Variants in NXPH1 observed in about 807,000 individuals in gnomAD.
The protein encoded by NXPH1 is neurexophilin 1.
Under a neutral mutation model 23.7 loss-of-function variants are expected in NXPH1, and 5 were observed. The ratio of observed to expected loss-of-function variants is 0.21; its 90% CI spans 0.11 to 0.44. The LOEUF (loss-of-function observed/expected upper bound fraction) is 0.44, where lower values mean the gene tolerates loss of function less well. Ranked by LOEUF, NXPH1 falls within the 20% of genes least tolerant of loss-of-function variation. The pLI, the probability that NXPH1 is intolerant of heterozygous loss-of-function variation, is 0.99. For missense variants in NXPH1, 324 were observed against 321.6 expected (o/e 1.01, Z -0.06); for synonymous variants, 144 against 122.2 (o/e 1.18, Z -1.18).
intron 2 of NXPH1, among the ~76,000 whole-genome samples, chr7:8,721,009 C>G (rs1779961204): frequency 6.6e-6 from 1 of 152,262 alleles, no homozygotes; most frequent in East Asian, 1.9e-4. Context: ...GATATAGATT[C>G]TGGACTAGAA....
intron 2 of NXPH1, among the ~76,000 whole-genome samples, chr7:8,587,727 C>T (rs1186300798): frequency 2.6e-5 from 4 of 152,036 alleles, no homozygotes; most frequent in Non-Finnish European, 4.4e-5. Flanking sequence ...TGAGTGAGAA[C>T]GTGCGGTGTT....
chr7:8,680,984 C>T (rs1048064314), intron 2 of NXPH1, among the ~76,000 whole-genome samples: 1 of 152,234 alleles, frequency 6.6e-6, no homozygotes, highest in Non-Finnish European at 1.5e-5. Context: ...AGATGTTTTA[C>T]AGATGAACAA....
intron 2 of NXPH1, among the ~76,000 whole-genome samples, chr7:8,660,587 A>T (rs1020357290): frequency 6.6e-6 from 1 of 152,220 alleles, no homozygotes; most frequent in South Asian, 2.1e-4. Context: ...GCATCTGAGG[A>T]CAGGAAATGT....
intron 2 of NXPH1, among the ~76,000 whole-genome samples, chr7:8,532,357 GC>G (rs975540342): frequency 8.6e-5 from 13 of 151,266 alleles, no homozygotes; most frequent in African/African-American, 3.2e-4. Flanking sequence ...ACACCTTCAG[GC>G]AGGAAAGAAG....
Position 8,601,701 on chromosome 7 carries a change from A to G in NXPH1, c.55-149307A>G, listed in dbSNP as rs117801021. On this transcript the variant is annotated intron_variant, in intron 2 of 2. Coordinates refer to ENST00000405863, the MANE Select transcript of NXPH1 (RefSeq NM_152745.3). The stretch of plus-strand genomic sequence containing the variant: ...AGGACCCAATTCCCTAAAATACAGG[A>G]AGTCACTGTGACCTTGTGCTTATTT... 3.3e-4 allele frequency among the ~76,000 whole-genome samples: 51 copies of G among 152,300 alleles called. No individual in the cohort carries two copies. In the East Asian group the frequency reaches 6.8e-3, roughly 20 times the overall value.
chr7:8,473,488 G>A (rs1195808355), intron 2 of NXPH1, among the ~76,000 whole-genome samples: 1 of 152,056 alleles, frequency 6.6e-6, no homozygotes, highest in Non-Finnish European at 1.5e-5. Context: ...GCGGGTGTGA[G>A]GCTTCAGATT....
intron 2 of NXPH1, among the ~76,000 whole-genome samples, chr7:8,550,567 A>C (rs1464584225): frequency 6.6e-6 from 1 of 151,556 alleles, no homozygotes; most frequent in African/African-American, 2.4e-5. Context: ...AAATAGTATT[A>C]CTTTATATCA....
intron 2 of NXPH1, among the ~76,000 whole-genome samples, chr7:8,599,807 AT>A (rs57462739): frequency 1.3e-3 from 183 of 145,028 alleles, no homozygotes; most frequent in Middle Eastern, 3.6e-3. Context: ...AGATAGGAAG[AT>A]TTTTTTTTTT....
chr7:8,449,077 C>T (rs1235628974), intron 2 of NXPH1, among the ~76,000 whole-genome samples: 1 of 152,218 alleles, frequency 6.6e-6, no homozygotes, highest in Non-Finnish European at 1.5e-5. Context: ...ACAGTATAAT[C>T]AAAACTTATA....
chr7:8,730,784 C>T lies in NXPH1; in HGVS notation c.55-20224C>T, dbSNP rs1441558291. ...TGGCTGCCCTTAACATTTTTTCCTG[C>T]ATTTCAACTTTGGTGAATCTGACAA... On this transcript the variant is annotated intron_variant, in intron 2 of 2. Transcript: ENST00000405863. Among the ~76,000 whole-genome samples, 10 of 150,684 alleles carry T rather than the reference C, an allele frequency of 6.6e-5. No individual in the cohort carries two copies. In the East Asian group the frequency reaches 2.0e-3, roughly 29 times the overall value.
At chr7:8,537,900 G>C (rs2128618103) in intron 2 of NXPH1, among the ~76,000 whole-genome samples, 1 of 151,960 alleles carries the variant, frequency 6.6e-6, no homozygotes, top group Non-Finnish European at 1.5e-5. Flanking sequence ...TTTTTAGAAA[G>C]AGACAATTTA....
Position 8,715,351 on chromosome 7 carries a change from C to T in NXPH1, c.55-35657C>T, listed in dbSNP as rs78197728. 7.9e-3 allele frequency among the ~76,000 whole-genome samples: 1,198 copies of T among 152,282 alleles called. 13 individuals carry two copies. The highest frequency in any genetic ancestry group is 9.3e-3 in the Non-Finnish European group (631 of 68,030). ...AAAATTTGAGATTGTCTTTCTTATTCTCTTCAGTGCCTCTTTCAGTGATAT... is the reference window on the plus strand; with the variant it reads ...AAAATTTGAGATTGTCTTTCTTATTTTCTTCAGTGCCTCTTTCAGTGATAT... On this transcript the variant is annotated intron_variant, in intron 2 of 2. Transcript: ENST00000405863.
chr7:8,435,558 A>G lies in NXPH1; in HGVS notation c.-110-46A>G. The G allele has an allele frequency of 1.5e-6, 1 of 687,298 alleles. No individual in the cohort carries two copies. Among genetic ancestry groups the G allele is most frequent in the Non-Finnish European group, 2.6e-6 (1 of 378,220 alleles). 42.6% of individuals were successfully genotyped at this position (687,298 alleles called of 1,614,324 possible). A position where few individuals can be genotyped will look rare whatever the true frequency, so the allele number is the denominator to read the frequency against. On this transcript the variant is annotated intron_variant, in intron 1 of 2. Coordinates refer to ENST00000405863, the MANE Select transcript of NXPH1 (RefSeq NM_152745.3). The surrounding 1 kb of genome is among the most constrained non-coding windows in gnomAD (Gnocchi z 5.9). ...TTTCCCCGCTTGATTGTCAAGCCTA[A>G]CCTTGCCCGCGTAGTCATGGGATGT...
At chr7:8,726,157 A>G (rs988803246) in intron 2 of NXPH1, among the ~76,000 whole-genome samples, 6 of 152,204 alleles carry the variant, frequency 3.9e-5, no homozygotes, top group Admixed American at 6.5e-5. Context: ...ATAAAGTTGT[A>G]TATAAGAACA....
chr7:8,486,013 T>G (rs973269581), intron 2 of NXPH1, among the ~76,000 whole-genome samples: 1 of 152,202 alleles, frequency 6.6e-6, no homozygotes, highest in Non-Finnish European at 1.5e-5. Context: ...CTTATGAAGA[T>G]AAAATGCCTA....
chr7:8,490,762 T>C (rs1446284843), intron 2 of NXPH1, among the ~76,000 whole-genome samples: 2 of 152,042 alleles, frequency 1.3e-5, no homozygotes, highest in Non-Finnish European at 2.9e-5. Context: ...GGAGACAAAA[T>C]ATTTAAGTGA....
chr7:8,445,885 A>G (rs1397316697), intron 2 of NXPH1, among the ~76,000 whole-genome samples: 1 of 152,224 alleles, frequency 6.6e-6, no homozygotes, highest in Non-Finnish European at 1.5e-5. Flanking sequence ...TACAGAATGA[A>G]AGTAATTTTG....
At chr7:8,610,287 C>T (rs903219754) in intron 2 of NXPH1, among the ~76,000 whole-genome samples, 2 of 152,086 alleles carry the variant, frequency 1.3e-5, no homozygotes, top group Non-Finnish European at 2.9e-5. Flanking sequence ...CTCTCCATAG[C>T]ACAAGAATGT....
intron 2 of NXPH1, among the ~76,000 whole-genome samples, chr7:8,457,362 G>C (rs555801579): frequency 6.6e-6 from 1 of 152,198 alleles, no homozygotes; most frequent in South Asian, 2.1e-4. Flanking sequence ...TCTGTGGCTG[G>C]GTCAGGATTG....
Sources: allele counts gnomAD v4.1 joint callset (sites outside exome capture counted in the v4.1 genomes callset), GRCh38; gene constraint gnomAD v4.1.1; non-coding constraint Gnocchi (gnomAD v3.1); transcripts MANE v1.5; gene names NCBI Gene and HGNC (gene_info 2026-07-23, HGNC 2026-07-21).